The following STRIP2 variants were observed in gnomAD, a reference collection of about 807,000 sequenced individuals.
STRIP2 encodes striatin interacting protein 2, also known as striatin-interacting protein 2.
Under a neutral mutation model 107.1 loss-of-function variants are expected in STRIP2, and 84 were observed. That is an observed-to-expected ratio of 0.78 (90% CI 0.66 to 0.94). The LOEUF (loss-of-function observed/expected upper bound fraction) is 0.94, where lower values mean the gene tolerates loss of function less well. Among genes scored for constraint, STRIP2 ranks in the 40% least tolerant of loss-of-function variants. The pLI is 0.00. For synonymous variants in STRIP2, 394 were observed against 400.4 expected, an observed-to-expected ratio of 0.98 and a Z score of 0.19; for missense variants, 888 against 1,034.2, an observed-to-expected ratio of 0.86 and a Z score of 1.94.
chr7:129,451,428 G>C (rs111821094), intron 3 of STRIP2, among the ~76,000 whole-genome samples, 185 bp from the exon 4 acceptor site: 2,314 of 152,238 alleles, frequency 0.015, 63 homozygotes, highest in African/African-American at 0.053. Flanking sequence ...CTATAGACTG[G>C]GTTCAGGCCA....
intron 14 of STRIP2, among the ~76,000 whole-genome samples, chr7:129,463,306 C>G (rs2305326): frequency 0.31 from 47,004 of 151,902 alleles, 8,505 homozygotes; most frequent in East Asian, 0.6. Context: ...GAGATAAGTA[C>G]TGTAGTCCCT....
At chr7:129,480,938 T>A in intron 19 of STRIP2, 49 bp downstream of exon 19, 4 of 1,424,626 alleles carry the variant, frequency 2.8e-6, no homozygotes, top group Non-Finnish European at 3.9e-6. Flanking sequence ...ACTGAATTTT[T>A]AAAAGATCAC....
rs1006522833 is a variant in STRIP2 at position 129,458,999 on chromosome 7, T to C, written c.1340+222T>C. 4.6e-5 allele frequency among the ~76,000 whole-genome samples: 7 copies of C among 152,256 alleles called. No homozygotes were observed. Among genetic ancestry groups the C allele is most frequent in the African/African-American group, 1.7e-4 (7 of 41,474 alleles). Reference sequence around the variant, plus strand: ...AAGAACTTTTGTGTTTTTAGCCAACTGTAGGACTTTGAGCAACAAGTCATT... The same window carrying C: ...AAGAACTTTTGTGTTTTTAGCCAACCGTAGGACTTTGAGCAACAAGTCATT... On this transcript the variant is annotated intron_variant, in intron 11 of 20. Coordinates refer to ENST00000249344, the MANE Select transcript of STRIP2 (RefSeq NM_020704.3). The surrounding 1 kb of genome is among the most constrained non-coding windows in gnomAD (Gnocchi z 4.6).
chr7:129,463,831 A>G (rs1798604503), intron 14 of STRIP2, among the ~76,000 whole-genome samples: 1 of 151,828 alleles, frequency 6.6e-6, no homozygotes, highest in Non-Finnish European at 1.5e-5. Context: ...CAGCCAATGC[A>G]CTCCCTCTGG....
At chr7:129,439,839 C>T (rs572905319) in intron 1 of STRIP2, among the ~76,000 whole-genome samples, 183 bp from the exon 2 acceptor site, 75 of 152,296 alleles carry the variant, frequency 4.9e-4, no homozygotes, top group South Asian at 8.3e-4. Flanking sequence ...CACACTGAGA[C>T]TCAAGTTTTG....
rs776389952 is a variant in STRIP2 at position 129,458,397 on chromosome 7, C to G, written c.1221C>G (p.Leu407=). 1 of 1,612,726 alleles carries G rather than the reference C, an allele frequency of 6.2e-7. No individual in the cohort carries two copies. Among genetic ancestry groups the G allele is most frequent in the South Asian group, 1.1e-5 (1 of 90,774 alleles). Residue 407 remains leucine, a synonymous_variant, in exon 10 of 21, where the codon CTC becomes CTG. Coordinates refer to ENST00000249344, the MANE Select transcript of STRIP2 (RefSeq NM_020704.3). The surrounding 1 kb of genome is among the most constrained non-coding windows in gnomAD (Gnocchi z 4.6). ...CACCTCCACCCTCACAGGCACCCCTCTCTGCTGAGCGGGTGGCTTTTCCCA... is the reference window on the plus strand; with the variant it reads ...CACCTCCACCCTCACAGGCACCCCTGTCTGCTGAGCGGGTGGCTTTTCCCA... ...LVPPPPSQAP[L]SAERVAFPKG...
At position 129,454,417 on chromosome 7, in the gene STRIP2, C is replaced by G. The variant is rs768576706; in HGVS notation, c.600-4C>G. On this transcript the variant is annotated splice_region_variant and splice_polypyrimidine_tract_variant and intron_variant, in intron 6 of 20. Coordinates refer to ENST00000249344, the MANE Select transcript of STRIP2 (RefSeq NM_020704.3). ...AACCTCTTGTGACTCTTCTGTAACC[C>G]CAGGGTGCTGCTGAGTGTTATGTAC... The G allele has an allele frequency of 6.2e-7, 1 of 1,610,898 alleles. No homozygotes were observed. The highest frequency in any genetic ancestry group is 1.1e-5 in the South Asian group (1 of 90,988).
Position 129,483,163 on chromosome 7 carries a change from A to T in STRIP2, c.2254+117A>T. The T allele has an allele frequency of 2.0e-6, 3 of 1,472,240 alleles. No homozygotes were observed. Among genetic ancestry groups the T allele is most frequent in the Non-Finnish European group, 1.8e-6 (2 of 1,111,268 alleles). The allele number at this position is 1,472,240 out of a possible 1,614,324, so 91.2% of individuals were successfully genotyped here. A position where few individuals can be genotyped will look rare whatever the true frequency, so the allele number is the denominator to read the frequency against. On this transcript the variant is annotated intron_variant, in intron 20 of 20. Transcript: ENST00000249344. This position sits in a 1 kb window ranked among gnomAD's most constrained non-coding sequence, Gnocchi z 5.1. ...TGTTACATATTTTAGATGAAAAAAT[A>T]TGTGATTATAGGTCAGGCGCTGATA...
intron 16 of STRIP2, 24 bp from the exon 17 acceptor site, chr7:129,467,326 T>C (rs763223745): frequency 3.2e-6 from 5 of 1,557,136 alleles, no homozygotes; most frequent in Non-Finnish European, 4.4e-6. Context: ...TAAGCAGCCC[T>C]TTCTGCTTTG....
chr7:129,470,701 A>G lies in STRIP2; in HGVS notation c.1930A>G (p.Thr644Ala). The change falls in exon 18 of 21, where the codon ACT becomes GCT. Residue 644 changes from threonine to alanine, a missense_variant. By Grantham distance (58) the Thr-to-Ala change is moderately conservative. Coordinates refer to ENST00000249344, the MANE Select transcript of STRIP2 (RefSeq NM_020704.3). The stretch of plus-strand genomic sequence containing the variant: ...TACCATCCAGGATTTGCCGGAGCTT[A>G]CTACTGAAAGTCTGGTAAGCAGATG... ...CCTIQDLPEL[T>A]TESLEAGDNS... The G allele has an allele frequency of 6.2e-7, 1 of 1,614,000 alleles. No homozygotes were observed. Among genetic ancestry groups the G allele is most frequent in the Middle Eastern group, 1.6e-4 (1 of 6,062 alleles).
chr7:129,460,494 C>T, intron 13 of STRIP2, 122 bp downstream of exon 13: 2 of 824,666 alleles, frequency 2.4e-6, no homozygotes, highest in Non-Finnish European at 2.0e-6. Context: ...CCAGGCAAGA[C>T]AAGGTCCCTA....
chr7:129,475,193 G>A (rs1798883014), intron 18 of STRIP2, among the ~76,000 whole-genome samples: 1 of 152,008 alleles, frequency 6.6e-6, no homozygotes, highest in Admixed American at 6.6e-5. Context: ...GGCAGTGGAT[G>A]TGGGCTCAGT....
chr7:129,464,308 T>C (rs1305984816), intron 15 of STRIP2, among the ~76,000 whole-genome samples, 167 bp downstream of exon 15: 1 of 151,952 alleles, frequency 6.6e-6, no homozygotes, highest in African/African-American at 2.4e-5. Flanking sequence ...TGCTTGGCTC[T>C]TTTTAGCTCA....
At position 129,458,936 on chromosome 7, in the gene STRIP2, G is replaced by C. The variant is rs1798446922; in HGVS notation, c.1340+159G>C. 6.6e-6 allele frequency among the ~76,000 whole-genome samples: 1 copy of C among 152,144 alleles called. No individual in the cohort carries two copies. Among genetic ancestry groups the C allele is most frequent in the Non-Finnish European group, 1.5e-5 (1 of 68,020 alleles). On this transcript the variant is annotated intron_variant, in intron 11 of 20. Transcript: ENST00000249344. This position sits in a 1 kb window ranked among gnomAD's most constrained non-coding sequence, Gnocchi z 4.6. Reference sequence around the variant, plus strand: ...GTGACTACTTTGGGTTCTTTCTATGGATTTCTTTTTTCCTTGAGTTTCTTC... The same window carrying C: ...GTGACTACTTTGGGTTCTTTCTATGCATTTCTTTTTTCCTTGAGTTTCTTC...
chr7:129,439,138 C>T (rs956341585), intron 1 of STRIP2, among the ~76,000 whole-genome samples: 65 of 152,184 alleles, frequency 4.3e-4, no homozygotes, highest in African/African-American at 1.5e-3. Context: ...TGTGCTCCGT[C>T]TTTCCTAACA....
In STRIP2 at chr7:129,472,775, C is replaced by CTTTTTTTTTTTTTTTTTTTTTTTTTTT. The variant is rs1491462474; in HGVS notation, c.1944+2060_1944+2061insTTTTTTTTTTTTTTTTTTTTTTTTTTT. 3.2e-4 allele frequency among the ~76,000 whole-genome samples: 22 copies of CTTTTTTTTTTTTTTTTTTTTTTTTTTT among 68,904 alleles called. 11 individuals are homozygous for CTTTTTTTTTTTTTTTTTTTTTTTTTTT. Among genetic ancestry groups the CTTTTTTTTTTTTTTTTTTTTTTTTTTT allele is most frequent in the South Asian group, 1.1e-3 (2 of 1,742 alleles). The allele number at this position is 68,904 out of a possible 152,430, so 45.2% of individuals were successfully genotyped here. A position where few individuals can be genotyped will look rare whatever the true frequency, so the allele number is the denominator to read the frequency against. ...AATATATAGAATTTTCTTTTCTTTT[C>CTTTTTTTTTTTTTTTTTTTTTTTTTTT]CTTTTTTTTTTTTTTTTTTTTTTTT... On this transcript the variant is annotated intron_variant, in intron 18 of 20. Transcript: ENST00000249344.
chr7:129,456,512 T>C lies in STRIP2; in HGVS notation c.908T>C (p.Leu303Pro). The change falls in exon 9 of 21, where the codon CTG becomes CCG. Residue 303 changes from leucine (L) to proline (P), a missense_variant. Transcript: ENST00000249344. ...CGGGCAGAATTGGGCCTGCCTCCAC[T>C]GGCTGAAGACAGTATCCAGGTGGTG... is the stretch of plus-strand genomic sequence containing the variant. ...QKRAELGLPP[L>P]AEDSIQVVKS... 1 of 1,614,148 alleles carries C rather than the reference T, an allele frequency of 6.2e-7. No homozygotes were observed. Among genetic ancestry groups the C allele is most frequent in the Non-Finnish European group, 8.5e-7 (1 of 1,180,028 alleles).
chr7:129,439,907 C>G (rs2150986063), intron 1 of STRIP2, 115 bp from the exon 2 acceptor site: 5 of 808,158 alleles, frequency 6.2e-6, no homozygotes, highest in South Asian at 1.6e-5. Context: ...CTAACTGTCT[C>G]CCTGATCTAA....
chr7:129,475,281 T>C (rs1244411898), intron 18 of STRIP2, among the ~76,000 whole-genome samples: 1 of 152,158 alleles, frequency 6.6e-6, no homozygotes, highest in Non-Finnish European at 1.5e-5. Flanking sequence ...AGGAAATGCT[T>C]TGGGGGATGG....
Sources: allele counts gnomAD v4.1 joint callset (sites outside exome capture counted in the v4.1 genomes callset), GRCh38; gene constraint gnomAD v4.1.1; non-coding constraint Gnocchi (gnomAD v3.1); transcripts MANE v1.5; gene names NCBI Gene and HGNC (gene_info 2026-07-23, HGNC 2026-07-21).